Variants in PRMT9 observed in about 807,000 individuals in gnomAD.
PRMT9 encodes protein arginine N-methyltransferase 9.
PRMT9 carries 59 observed loss-of-function variants against 83.2 expected under a neutral mutation model. The ratio of observed to expected loss-of-function variants is 0.71; its 90% CI spans 0.57 to 0.88. The LOEUF is 0.88. PRMT9 is among the 40% of genes least tolerant of loss of function. The pLI, the probability that PRMT9 is intolerant of heterozygous loss-of-function variation, is 0.00. For synonymous variants in PRMT9, 333 were observed against 353.2 expected, an observed-to-expected ratio of 0.94 and a Z score of 0.64; for missense variants, 947 against 1,021.9, an observed-to-expected ratio of 0.93 and a Z score of 1.00.
At chr4:147,683,349 CAAA>C (rs768964099) in intron 1 of PRMT9, among the ~76,000 whole-genome samples, 66 of 152,244 alleles carry the variant, frequency 4.3e-4, no homozygotes, top group Admixed American at 1.1e-3. Flanking sequence ...ACTTTTGTTG[CAAA>C]AAGCTAGCTA....
At chr4:147,643,296 C>A (rs1733532661) in intron 9 of PRMT9, among the ~76,000 whole-genome samples, 1 of 151,828 alleles carries the variant, frequency 6.6e-6, no homozygotes, top group South Asian at 2.1e-4. Flanking sequence ...CAAAAAAAAA[C>A]CCTTTGTAAT....
chr4:147,654,860 A>G (rs894768947), intron 8 of PRMT9, among the ~76,000 whole-genome samples: 1 of 152,196 alleles, frequency 6.6e-6, no homozygotes, highest in African/African-American at 2.4e-5. Flanking sequence ...AGGTCTCTCC[A>G]TATCCCCAAA....
At position 147,683,872 on chromosome 4, in the gene PRMT9, T is replaced by C. The variant is rs1388950942; in HGVS notation, c.116A>G (p.Gln39Arg). 1.9e-6 allele frequency: 3 copies of C among 1,613,684 alleles called. No homozygotes were observed. The highest frequency in any genetic ancestry group is 2.5e-6 in the Non-Finnish European group (3 of 1,180,016). The change falls in exon 1 of 12, where the codon CAG (glutamine) becomes CGG (arginine). Residue 39 changes from glutamine to arginine, a missense_variant. Gln to Arg is a conservative substitution (Grantham distance 43). Transcript: ENST00000322396. ...LQSAEHCLGV[Q>R]DFGTAYAHYL... Reference sequence around the variant, plus strand: ...GTGGGCATAGGCAGTGCCGAAGTCCTGGACGCCCAGACAGTGCTCTGCGCT... The same window carrying C: ...GTGGGCATAGGCAGTGCCGAAGTCCCGGACGCCCAGACAGTGCTCTGCGCT...
intron 2 of PRMT9, among the ~76,000 whole-genome samples, chr4:147,677,662 G>A (rs1427808267): frequency 6.6e-6 from 1 of 151,724 alleles, no homozygotes; most frequent in Non-Finnish European, 1.5e-5. Context: ...GCACTATGTT[G>A]GCCAGGCTGG....
chr4:147,675,871 A>T (rs912326482), intron 2 of PRMT9, among the ~76,000 whole-genome samples: 2 of 152,208 alleles, frequency 1.3e-5, no homozygotes, highest in African/African-American at 4.8e-5. Context: ...TGAAGTTGAG[A>T]CACTCCAGAC....
intron 8 of PRMT9, among the ~76,000 whole-genome samples, chr4:147,657,038 C>T (rs1169155102): frequency 2.0e-5 from 3 of 151,764 alleles, no homozygotes; most frequent in Non-Finnish European, 4.4e-5. Flanking sequence ...CAGAACTTCC[C>T]TAGGGAAGTT....
At chr4:147,670,544 A>T in intron 5 of PRMT9, 97 bp downstream of exon 5, 1 of 931,670 alleles carries the variant, frequency 1.1e-6, no homozygotes, top group Non-Finnish European at 1.8e-6. Flanking sequence ...AATGGAAAAT[A>T]TATTTCATAT....
Position 147,670,622 on chromosome 4 carries a change from G to A in PRMT9, c.846+19C>T, listed in dbSNP as rs755728639. On this transcript the variant is annotated intron_variant, in intron 5 of 11. Coordinates refer to ENST00000322396, the MANE Select transcript of PRMT9 (RefSeq NM_138364.4). ...ATAACGAATTCTTAATCAGTTGTAA[G>A]TATTTTCATACTGCTTACCTTTGGC... 4 of 1,440,054 alleles carry A rather than the reference G, an allele frequency of 2.8e-6. No homozygotes were observed. Among genetic ancestry groups the A allele is most frequent in the East Asian group, 4.5e-5 (2 of 44,078 alleles). 89.2% of individuals were successfully genotyped at this position (1,440,054 alleles called of 1,614,324 possible). A position where few individuals can be genotyped will look rare whatever the true frequency, so the allele number is the denominator to read the frequency against.
At chr4:147,666,333 T>G (rs1735329159) in intron 6 of PRMT9, among the ~76,000 whole-genome samples, 1 of 152,172 alleles carries the variant, frequency 6.6e-6, no homozygotes, top group Admixed American at 6.6e-5. Flanking sequence ...CCCTACTCTG[T>G]GTTTTGCTTT....
In PRMT9 at chr4:147,654,422, G is replaced by A. The variant is rs944272685; in HGVS notation, c.1475C>T (p.Ser492Leu). 2.4e-5 allele frequency: 38 copies of A among 1,613,964 alleles called. No homozygotes were observed. Among genetic ancestry groups the A allele is most frequent in the Middle Eastern group, 1.6e-4 (1 of 6,084 alleles). The change falls in exon 9 of 12, where the codon TCG becomes TTG. Residue 492 changes from serine (S) to leucine (L), a missense_variant. Ser to Leu is a moderately radical substitution (Grantham distance 145, BLOSUM62 -2). Coordinates refer to ENST00000322396, the MANE Select transcript of PRMT9 (RefSeq NM_138364.4). ...ACAAAGTTCAGCCTCATTTCCTAAC[G>A]ATAACAAGTCTTTATTCTGGGTAAA... ...KSFTQNKDLL[S>L]LGNEAELCSA...
rs537074206 is a variant in PRMT9, at chr4:147,670,517, A to C, written c.846+124T>G. On this transcript the variant is annotated intron_variant, in intron 5 of 11. Transcript: ENST00000322396. The stretch of plus-strand genomic sequence containing the variant: ...TGCATAGATTTCTTTCCAACCACAC[A>C]GTATGTACACCTTGGCAATGGAAAA... The C allele has an allele frequency of 6.0e-4, 457 of 766,416 alleles. 2 individuals carry two copies. The highest frequency in any genetic ancestry group is 5.7e-3 in the South Asian group (381 of 67,002). The allele number at this position is 766,416 out of a possible 1,614,324, so 47.5% of individuals were successfully genotyped here.
chr4:147,673,971 T>G, intron 2 of PRMT9, 97 bp from the exon 3 acceptor site: 1 of 979,462 alleles, frequency 1.0e-6, no homozygotes, highest in Non-Finnish European at 1.6e-6. Context: ...GGGAATTCCA[T>G]GCCAGCACCC....
rs370245859 is a variant in PRMT9 at position 147,665,124 on chromosome 4, C to CAAA, written c.953+3412_953+3414dup. Among the ~76,000 whole-genome samples the CAAA allele has an allele frequency of 2.4e-4, 28 of 116,652 alleles. 1 individual carries two copies. Among genetic ancestry groups the CAAA allele is most frequent in the South Asian group, 6.1e-4 (2 of 3,272 alleles). 76.5% of individuals were successfully genotyped at this position (116,652 alleles called of 152,430 possible). ...AAACAAGAGCGAAACTCTGTCTAAA[C>CAAA]AAAAAAAAAAAAAAAAAAAGATGTT... On this transcript the variant is annotated intron_variant, in intron 6 of 11. Coordinates refer to ENST00000322396, the MANE Select transcript of PRMT9 (RefSeq NM_138364.4).
rs757738647 is a variant in PRMT9, at chr4:147,683,977, G to A, written c.11C>T (p.Ser4Leu). 1.2e-6 allele frequency: 2 copies of A among 1,612,760 alleles called. No homozygotes were observed. The highest frequency in any genetic ancestry group is 1.1e-5 in the South Asian group (1 of 91,070). Residue 4 changes from serine to leucine, a missense_variant, in exon 1 of 12, where the codon TCG becomes TTG. Physicochemically the swap from Ser to Leu is moderately radical, Grantham distance 145. Coordinates refer to ENST00000322396, the MANE Select transcript of PRMT9 (RefSeq NM_138364.4). ...GGCGTCTCGGCGGGACCTGGGCCGC[G>A]AGTTCGACATGGCAGTCACCACTTG... MSN[S>L]RPRSRRDAGG...
Position 147,657,842 on chromosome 4 carries a change from C to G in PRMT9, c.1280G>C (p.Ser427Thr), listed in dbSNP as rs1734630178. 6.2e-7 allele frequency: 1 copy of G among 1,611,478 alleles called. No individual in the cohort carries two copies. ...AGCCTGTTCCCAACATGTTTCCTCA[C>G]TAGGACTTGTGGATAAACTATGTTC... Reference protein sequence around the residue: ...DDEHSLSTSPSEETCWEQAVY... With the variant: ...DDEHSLSTSPTEETCWEQAVY... The change falls in exon 8 of 12, where the codon AGT becomes ACT. Residue 427 changes from serine to threonine, a missense_variant. Ser to Thr is a moderately conservative substitution (Grantham distance 58). Transcript: ENST00000322396.
chr4:147,676,772 G>A (rs766296816), intron 2 of PRMT9, among the ~76,000 whole-genome samples: 4 of 152,108 alleles, frequency 2.6e-5, no homozygotes, highest in African/African-American at 4.8e-5. Context: ...TTGGCTGCAC[G>A]TCATAGCTCA....
chr4:147,672,851 C>T, intron 4 of PRMT9, 108 bp downstream of exon 4: 1 of 811,340 alleles, frequency 1.2e-6, no homozygotes, highest in South Asian at 1.5e-5. Flanking sequence ...CATATCTTTA[C>T]AAAATAAGGG....
chr4:147,659,209 T>C (rs1378984327), intron 7 of PRMT9, among the ~76,000 whole-genome samples: 1 of 148,552 alleles, frequency 6.7e-6, no homozygotes, highest in Non-Finnish European at 1.5e-5. Flanking sequence ...GAGACCAGCC[T>C]GGCCAACATG....
At chr4:147,676,305 T>A in intron 2 of PRMT9, among the ~76,000 whole-genome samples, 1 of 152,332 alleles carries the variant, frequency 6.6e-6, no homozygotes, top group East Asian at 1.9e-4. Context: ...GATCACCGTA[T>A]GTGTATAATC....
Sources: gnomAD v4.1 joint callset for allele counts (sites outside exome capture counted in the v4.1 genomes callset) on GRCh38, gnomAD v4.1.1 for gene constraint, MANE v1.5 for transcripts, NCBI Gene and HGNC (gene_info 2026-07-23, HGNC 2026-07-21) for gene names.